Variants in GRIA1 observed in about 807,000 individuals in gnomAD.
The protein encoded by GRIA1 is glutamate receptor 1.
In GRIA1, 31 loss-of-function variants were observed where a neutral mutation model predicts 99.2. The ratio of observed to expected loss-of-function variants is 0.31; its 90% confidence interval spans 0.23 to 0.42. The LOEUF (loss-of-function observed/expected upper bound fraction) is 0.42. GRIA1 is among the 10% of genes least tolerant of loss of function. GRIA1 has a pLI of 1.00. For synonymous variants in GRIA1, 438 were observed against 432.4 expected (o/e 1.01, Z -0.16); for missense variants, 782 against 1,157.5 (o/e 0.68, Z 4.71).
At chr5:153,491,342 T>C (rs1581120195) in intron 1 of GRIA1, 1 of 1,132,432 alleles carries the variant, frequency 8.8e-7, no homozygotes, top group African/African-American at 1.6e-5. Context: ...TGTAAGTATG[T>C]ATGGTGTGTG....
At chr5:153,694,622 A>G (rs1561775053) in intron 8 of GRIA1, among the ~76,000 whole-genome samples, 1 of 152,252 alleles carries the variant, frequency 6.6e-6, no homozygotes, top group Non-Finnish European at 1.5e-5. Flanking sequence ...TCTACAGATC[A>G]GGGACTGAGG....
intron 14 of GRIA1, among the ~76,000 whole-genome samples, chr5:153,799,894 A>G (rs532705372): frequency 1.1e-4 from 17 of 152,144 alleles, no homozygotes; most frequent in African/African-American, 3.9e-4. Context: ...CCCCGTCCAT[A>G]TGAAAATCTC....
At chr5:153,741,972 G>C (rs562175609) in intron 11 of GRIA1, among the ~76,000 whole-genome samples, 1 of 151,052 alleles carries the variant, frequency 6.6e-6, no homozygotes, top group African/African-American at 2.4e-5. Context: ...AATATGCCTA[G>C]TGTGTTAAGC....
rs139815656 is a variant in GRIA1 at position 153,689,701 on chromosome 5, C to T, written c.1134+3372C>T. Among the ~76,000 whole-genome samples, 57 of 152,250 alleles carry T rather than the reference C, an allele frequency of 3.7e-4. 1 individual carries two copies. Among genetic ancestry groups the T allele is most frequent in the Non-Finnish European group, 6.9e-4 (47 of 68,014 alleles). ...AGTGAGAGACATTGGGCTGTGCAAA[C>T]CTTAATTCCTCTCAGCTCTGACACC... On this transcript the variant is annotated intron_variant, in intron 8 of 15. Coordinates refer to ENST00000285900, the MANE Select transcript of GRIA1 (RefSeq NM_000827.4).
chr5:153,791,485 G>C (rs536747750), intron 13 of GRIA1, among the ~76,000 whole-genome samples: 11 of 152,058 alleles, frequency 7.2e-5, no homozygotes, highest in East Asian at 1.9e-4. Flanking sequence ...GTAGTGGGGG[G>C]TGGGGAAGGT....
chr5:153,652,660 G>T (rs78917897), intron 4 of GRIA1, among the ~76,000 whole-genome samples: 6,379 of 152,276 alleles, frequency 0.042, 151 homozygotes, highest in Middle Eastern at 0.085. Flanking sequence ...ATTTTAGATT[G>T]TAGCATATTG....
intron 11 of GRIA1, among the ~76,000 whole-genome samples, chr5:153,721,838 T>C (rs1224686532): frequency 6.6e-6 from 1 of 152,184 alleles, no homozygotes; most frequent in Non-Finnish European, 1.5e-5. Flanking sequence ...CTTGTAAAAG[T>C]CTTTTGGTAT....
intron 7 of GRIA1, among the ~76,000 whole-genome samples, chr5:153,678,830 C>T (rs1377344888): frequency 1.3e-5 from 2 of 152,334 alleles, no homozygotes; most frequent in East Asian, 3.9e-4. Flanking sequence ...CTGGACTCCA[C>T]GTCCAGCTGG....
At chr5:153,766,389 A>C (rs1358770280) in intron 12 of GRIA1, among the ~76,000 whole-genome samples, 1 of 152,194 alleles carries the variant, frequency 6.6e-6, no homozygotes, top group East Asian at 1.9e-4. Flanking sequence ...CTGCTAATGC[A>C]GTTAGGGAAC....
At chr5:153,645,640 A>AT (rs1368812360) in intron 2 of GRIA1, among the ~76,000 whole-genome samples, 4 of 152,136 alleles carry the variant, frequency 2.6e-5, no homozygotes, top group Non-Finnish European at 4.4e-5. Flanking sequence ...AAGAAGACTT[A>AT]TTTTTTAAGG....
intron 2 of GRIA1, among the ~76,000 whole-genome samples, chr5:153,516,087 G>T (rs1444099475): frequency 6.6e-6 from 1 of 152,062 alleles, no homozygotes; most frequent in Non-Finnish European, 1.5e-5. Context: ...TGACGTGGTG[G>T]CGGGCGCCTG....
Position 153,548,316 on chromosome 5 carries a change from G to A in GRIA1, c.220+54251G>A, listed in dbSNP as rs60121521. Among the ~76,000 whole-genome samples, 701 of 152,244 alleles carry A rather than the reference G, an allele frequency of 4.6e-3. 7 individuals are homozygous for A. Among genetic ancestry groups the A allele is most frequent in the African/African-American group, 0.016 (664 of 41,550 alleles). On this transcript the variant is annotated intron_variant, in intron 2 of 15. Coordinates refer to ENST00000285900, the MANE Select transcript of GRIA1 (RefSeq NM_000827.4). ...TCCGCATGGTCCTGGGATGGCCTGA[G>A]GTGGGTCCCAGCAATATGTATTTTT...
intron 2 of GRIA1, among the ~76,000 whole-genome samples, chr5:153,607,312 CT>C (rs1011449273): frequency 3.3e-5 from 5 of 151,752 alleles, no homozygotes; most frequent in Admixed American, 3.3e-4. Context: ...CTTTGTTTAT[CT>C]TGTCTATTGT....
At chr5:153,579,896 C>CG (rs1762897514) in intron 2 of GRIA1, among the ~76,000 whole-genome samples, 1 of 145,322 alleles carries the variant, frequency 6.9e-6, no homozygotes, top group East Asian at 2.0e-4. Flanking sequence ...AACAAACAAA[C>CG]AAAAAAAAAA....
At chr5:153,538,760 T>G (rs1758811695) in intron 2 of GRIA1, among the ~76,000 whole-genome samples, 1 of 152,222 alleles carries the variant, frequency 6.6e-6, no homozygotes, top group Admixed American at 6.5e-5. Context: ...ATTAGGTCTT[T>G]ACCAATTGAT....
At chr5:153,691,431 G>T (rs1561771991) in intron 8 of GRIA1, among the ~76,000 whole-genome samples, 1 of 152,106 alleles carries the variant, frequency 6.6e-6, no homozygotes, top group Non-Finnish European at 1.5e-5. Context: ...CTGGGTGGAG[G>T]AATCTACTTC....
At chr5:153,535,328 C>G (rs1048287774) in intron 2 of GRIA1, among the ~76,000 whole-genome samples, 2 of 152,044 alleles carry the variant, frequency 1.3e-5, no homozygotes, top group African/African-American at 4.8e-5. Context: ...TGCTATTTAC[C>G]CACCATCCAC....
At chr5:153,594,534 G>GT (rs1381082742) in intron 2 of GRIA1, among the ~76,000 whole-genome samples, 1 of 151,620 alleles carries the variant, frequency 6.6e-6, no homozygotes, top group Non-Finnish European at 1.5e-5. Flanking sequence ...ATGAGTGTAT[G>GT]TTTTTTTAAT....
In GRIA1 at chr5:153,634,174, C is replaced by T. The variant is rs568480712; in HGVS notation, c.221-12754C>T. 1.0e-3 allele frequency among the ~76,000 whole-genome samples: 155 copies of T among 151,944 alleles called. 1 individual carries two copies. The highest frequency in any genetic ancestry group is 1.8e-3 in the Non-Finnish European group (120 of 67,966). ...TACTAAAAATACAAAAAAAATTAGC[C>T]AGTCGTGATGGCAGGCACCTGTAGT... is the stretch of plus-strand genomic sequence containing the variant. On this transcript the variant is annotated intron_variant, in intron 2 of 15. Coordinates refer to ENST00000285900, the MANE Select transcript of GRIA1 (RefSeq NM_000827.4).
Sources: allele counts gnomAD v4.1 joint callset (sites outside exome capture counted in the v4.1 genomes callset), GRCh38; gene constraint gnomAD v4.1.1; transcripts MANE v1.5; gene names NCBI Gene and HGNC (gene_info 2026-07-23, HGNC 2026-07-21).